PTPRT: variants seen among roughly 807,000 people sequenced by gnomAD.
The protein encoded by PTPRT is receptor-type tyrosine-protein phosphatase T.
In PTPRT, 56 loss-of-function variants were observed where a neutral mutation model predicts 176.8. That is an observed-to-expected ratio of 0.32 (90% CI 0.26 to 0.40). PTPRT has a LOEUF of 0.40. PTPRT is among the 10% of genes least tolerant of loss of function. The pLI, the probability that PTPRT is intolerant of heterozygous loss-of-function variation, is 1.00. For synonymous variants in PTPRT, 783 were observed against 739.0 expected, an observed-to-expected ratio of 1.06 and a Z score of -0.96; for missense variants, 1,540 against 1,908.2, an observed-to-expected ratio of 0.81 and a Z score of 3.60.
intron 7 of PTPRT, among the ~76,000 whole-genome samples, chr20:42,675,560 C>T (rs1342790846): frequency 6.6e-6 from 1 of 152,218 alleles, no homozygotes; most frequent in African/African-American, 2.4e-5. Context: ...AATGTATATG[C>T]TATCGATAAG....
intron 7 of PTPRT, among the ~76,000 whole-genome samples, chr20:42,634,554 T>C (rs1219690953): frequency 1.3e-5 from 2 of 152,086 alleles, no homozygotes; most frequent in African/African-American, 2.4e-5. Flanking sequence ...GACTACATTA[T>C]AGTGACAAGT....
At position 42,500,937 on chromosome 20, in the gene PTPRT, A is replaced by T. The variant is rs536998866; in HGVS notation, c.1154-28375T>A. On this transcript the variant is annotated intron_variant, in intron 7 of 30. Coordinates refer to ENST00000373187, the MANE Select transcript of PTPRT (RefSeq NM_007050.6). ...TCTCAATGAACCCAAAATTGCCTTCATCTATTTACTATTTTTACTTCTTAA... is the reference window on the plus strand; with the variant it reads ...TCTCAATGAACCCAAAATTGCCTTCTTCTATTTACTATTTTTACTTCTTAA... Among the ~76,000 whole-genome samples, 11 of 151,974 alleles carry T rather than the reference A, an allele frequency of 7.2e-5. No individual in the cohort carries two copies. In the South Asian group the frequency reaches 2.3e-3, roughly 31 times the overall value.
chr20:42,267,431 T>C (rs1287735341), intron 13 of PTPRT, among the ~76,000 whole-genome samples: 1 of 152,252 alleles, frequency 6.6e-6, no homozygotes, highest in Non-Finnish European at 1.5e-5. Context: ...AGATACATTA[T>C]ATTATTAAAA....
intron 16 of PTPRT, among the ~76,000 whole-genome samples, chr20:42,172,134 G>A (rs1352136942): frequency 2.0e-5 from 3 of 152,052 alleles, no homozygotes; most frequent in Admixed American, 2.0e-4. Flanking sequence ...ACAGAAAAAG[G>A]ATAGGTGGGT....
chr20:42,884,022 C>T (rs991542794), intron 2 of PTPRT, among the ~76,000 whole-genome samples: 1 of 151,968 alleles, frequency 6.6e-6, no homozygotes, highest in Admixed American at 6.6e-5. Flanking sequence ...TTTATTGGGC[C>T]ACTATCAAGG....
chr20:42,435,544 G>C (rs2059255150), intron 9 of PTPRT, among the ~76,000 whole-genome samples: 1 of 152,142 alleles, frequency 6.6e-6, no homozygotes, highest in Non-Finnish European at 1.5e-5. Flanking sequence ...TGAGACCAGA[G>C]GGAAAAAGAG....
In PTPRT at chr20:42,707,759, G is replaced by A. The variant is rs116433905; in HGVS notation, c.860-29600C>T. Reference sequence around the variant, plus strand: ...AGCTGAGCTCAGGAGTTTCAGACCAGCCTGAGCAACACAGCAATACCCCAT... The same window carrying A: ...AGCTGAGCTCAGGAGTTTCAGACCAACCTGAGCAACACAGCAATACCCCAT... On this transcript the variant is annotated intron_variant, in intron 6 of 30. Coordinates refer to ENST00000373187, the MANE Select transcript of PTPRT (RefSeq NM_007050.6). 3.8e-3 allele frequency among the ~76,000 whole-genome samples: 577 copies of A among 152,318 alleles called. 5 individuals carry two copies. The highest frequency in any genetic ancestry group is 0.014 in the African/African-American group (563 of 41,564).
At chr20:42,188,023 G>A (rs547664558) in intron 16 of PTPRT, among the ~76,000 whole-genome samples, 64 of 152,226 alleles carry the variant, frequency 4.2e-4, no homozygotes, top group African/African-American at 1.4e-3. Context: ...ATATCCCCAG[G>A]CCAGGCTCCT....
intron 15 of PTPRT, among the ~76,000 whole-genome samples, chr20:42,209,120 C>T (rs534619372): frequency 6.6e-6 from 1 of 152,126 alleles, no homozygotes; most frequent in Admixed American, 6.5e-5. Context: ...CACAACATAC[C>T]AGAATCTCTG....
chr20:42,996,813 A>G (rs1368646725), intron 1 of PTPRT, among the ~76,000 whole-genome samples: 1 of 152,216 alleles, frequency 6.6e-6, no homozygotes, highest in Non-Finnish European at 1.5e-5. Flanking sequence ...AAGTCTCATA[A>G]TAGCTATATG....
intron 17 of PTPRT, among the ~76,000 whole-genome samples, chr20:42,160,544 G>A (rs1277392283): frequency 1.3e-5 from 2 of 151,914 alleles, no homozygotes; most frequent in Non-Finnish European, 2.9e-5. Context: ...GGTGGAGGAA[G>A]TTTTGAAGAC....
chr20:42,350,643 C>T lies in PTPRT; in HGVS notation c.1850G>A (p.Arg617Gln), dbSNP rs146000056. 3.7e-6 allele frequency: 6 copies of T among 1,611,206 alleles called. No homozygotes were observed. Among genetic ancestry groups the T allele is most frequent in the East Asian group, 2.2e-5 (1 of 44,860 alleles). The change falls in exon 11 of 31, where the codon CGG becomes CAG. Residue 617 changes from arginine (R) to glutamine (Q), a missense_variant. Coordinates refer to ENST00000373187, the MANE Select transcript of PTPRT (RefSeq NM_007050.6). ...CCATCCTCACCTGACAGGAGCTCCC[C>T]GGGACTGAGCGGGTTTCAGCATCAC... Reference protein sequence around the residue: ...ITVMLKPAQSRGAPVSVYQLV... With the variant: ...ITVMLKPAQSQGAPVSVYQLV...
At chr20:42,039,702 A>ATATATATATATATATATATATATATAT in the PTPRT span, among the ~76,000 whole-genome samples, 1 of 142,514 alleles carries the variant, frequency 7.0e-6, no homozygotes, top group Non-Finnish European at 1.6e-5. Context: ...GTATATATAT[A>ATATATATATATATATATATATATATAT]GTAATGTATA....
chr20:42,365,414 T>A (rs2058500129), intron 9 of PTPRT, among the ~76,000 whole-genome samples: 1 of 152,226 alleles, frequency 6.6e-6, no homozygotes, highest in Non-Finnish European at 1.5e-5. Flanking sequence ...CATACCTGCA[T>A]GGCTGTATGT....
At chr20:43,096,533 T>C (rs1045627804) in intron 1 of PTPRT, among the ~76,000 whole-genome samples, 1 of 152,186 alleles carries the variant, frequency 6.6e-6, no homozygotes, top group African/African-American at 2.4e-5. Flanking sequence ...CTGGGGCTCC[T>C]GACAGAGGGG....
intron 12 of PTPRT, among the ~76,000 whole-genome samples, chr20:42,307,746 G>T (rs2057565066): frequency 6.6e-6 from 1 of 152,148 alleles, no homozygotes; most frequent in Non-Finnish European, 1.5e-5. Context: ...ACTCCATCTT[G>T]AATAGGGGCT....
At chr20:42,826,002 A>C (rs2077986432) in intron 2 of PTPRT, among the ~76,000 whole-genome samples, 1 of 151,578 alleles carries the variant, frequency 6.6e-6, no homozygotes, top group African/African-American at 2.4e-5. Context: ...CACCCACAAA[A>C]CCCCCTTTGA....
intron 9 of PTPRT, among the ~76,000 whole-genome samples, chr20:42,446,284 A>G (rs1411387212): frequency 1.3e-5 from 2 of 152,206 alleles, no homozygotes; most frequent in African/African-American, 2.4e-5. Context: ...GTAAAAAATC[A>G]TAAATTTATT....
intron 13 of PTPRT, among the ~76,000 whole-genome samples, chr20:42,255,319 A>AT (rs1484215624): frequency 5.3e-5 from 8 of 152,192 alleles, no homozygotes; most frequent in African/African-American, 1.4e-4. Context: ...TCACACTGGG[A>AT]TTTTCTAAGA....
Sources: allele counts gnomAD v4.1 joint callset (sites outside exome capture counted in the v4.1 genomes callset), GRCh38; gene constraint gnomAD v4.1.1; transcripts MANE v1.5; gene names NCBI Gene and HGNC (gene_info 2026-07-23, HGNC 2026-07-21).